The following SLF2 variants were observed in gnomAD, a reference collection of about 807,000 sequenced individuals.
SLF2 encodes SMC5/6 complex localization factor 2, also known as SMC5-SMC6 complex localization factor protein 2.
Under a neutral mutation model 124.3 loss-of-function variants are expected in SLF2, and 68 were observed. The observed-to-expected ratio is 0.55, with a 90% CI of 0.45 to 0.67. The LOEUF (loss-of-function observed/expected upper bound fraction) is 0.67. Among genes scored for constraint, SLF2 ranks in the 30% least tolerant of loss-of-function variants. The pLI is 0.00. For synonymous variants in SLF2, 480 were observed against 478.8 expected (o/e 1.00, Z -0.03); for missense variants, 1,246 against 1,373.7 (o/e 0.91, Z 1.47).
chr10:100,940,807 G>T (rs1849960173), intron 11 of SLF2, among the ~76,000 whole-genome samples: 4 of 63,042 alleles, frequency 6.3e-5, no homozygotes, highest in Admixed American at 4.6e-4. Flanking sequence ...CCCTCCCCCT[G>T]CCCCTGCCCC....
rs373301245 is a variant in SLF2, at chr10:100,913,222, G to C, written c.112G>C (p.Gly38Arg). ...CGGTAGTACCGCCCATGCTGCAGCG[G>C]GAAAGAGAACAGAGAGTCCTGGGGA... The part of the protein sequence containing the change: ...RPGSTAHAAA[G>R]KRTESPGDRK... The change falls in exon 1 of 20, where the codon GGA becomes CGA. Residue 38 changes from glycine to arginine, a missense_variant. By Grantham distance (125) the Gly-to-Arg change is moderately radical. Coordinates refer to ENST00000238961, the MANE Select transcript of SLF2 (RefSeq NM_018121.4). 1.2e-6 allele frequency: 2 copies of C among 1,610,648 alleles called. No homozygotes were observed. The highest frequency in any genetic ancestry group is 1.7e-6 in the Non-Finnish European group (2 of 1,178,614).
chr10:100,915,965 C>T (rs759326112), intron 1 of SLF2, 34 bp from the exon 2 acceptor site: 21 of 1,512,778 alleles, frequency 1.4e-5, no homozygotes, highest in Non-Finnish European at 9.2e-6. Flanking sequence ...TTAATATTTG[C>T]TTATATGATG....
intron 9 of SLF2, 87 bp from the exon 10 acceptor site, chr10:100,937,315 T>G: frequency 9.2e-7 from 1 of 1,092,618 alleles, no homozygotes; most frequent in Admixed American, 1.7e-5. Flanking sequence ...CTGGCCTACA[T>G]AAAACAACTT....
intron 1 of SLF2, among the ~76,000 whole-genome samples, chr10:100,914,712 A>G (rs1849383732): frequency 1.3e-5 from 2 of 152,200 alleles, no homozygotes; most frequent in Non-Finnish European, 2.9e-5. Flanking sequence ...ATATTCTTCC[A>G]TAGCCCGTCA....
intron 3 of SLF2, among the ~76,000 whole-genome samples, chr10:100,918,012 A>G (rs1589941788): frequency 6.6e-6 from 1 of 152,220 alleles, no homozygotes. Context: ...GCTTGAGCCC[A>G]GGAGATCAAG....
At chr10:100,923,900 G>T (rs769820163) in intron 4 of SLF2, 75 bp from the exon 5 acceptor site, 18 of 1,231,216 alleles carry the variant, frequency 1.5e-5, no homozygotes, top group Non-Finnish European at 1.9e-5. Flanking sequence ...TCATTAGGGT[G>T]TTCTAGACAC....
intron 1 of SLF2, 47 bp from the exon 2 acceptor site, chr10:100,915,952 G>A: frequency 7.2e-7 from 1 of 1,392,648 alleles, no homozygotes; most frequent in Non-Finnish European, 1.0e-6. Context: ...AGTTATGAAG[G>A]TTTTAATATT....
chr10:100,947,903 A>AGG, intron 15 of SLF2, 56 bp downstream of exon 15: 1 of 1,355,306 alleles, frequency 7.4e-7, no homozygotes, highest in Non-Finnish European at 1.0e-6. Flanking sequence ...GAGAGGTGTA[A>AGG]GGAAAATTGA....
Position 100,924,157 on chromosome 10 carries a change from G to A in SLF2, c.1156G>A (p.Val386Met), listed in dbSNP as rs1379426647. Residue 386 changes from valine (V) to methionine (M), a missense_variant, in exon 5 of 20, where the codon GTG (valine) becomes ATG (methionine). Physicochemically the swap from Val to Met is conservative, Grantham distance 21. Transcript: ENST00000238961. ...TATTGCACTGAAGACACCTGGTGAT[G>A]TGTTGCGCTTAGAAGATATATCCAA... Reference protein sequence around the residue: ...KHIALKTPGDVLRLEDISKEP... With the variant: ...KHIALKTPGDMLRLEDISKEP... 1 of 1,614,016 alleles carries A rather than the reference G, an allele frequency of 6.2e-7. No homozygotes were observed. Among genetic ancestry groups the A allele is most frequent in the South Asian group, 1.1e-5 (1 of 91,080 alleles).
rs1027149409 is a variant in SLF2 at position 100,942,496 on chromosome 10, A to AT, written c.2655-1521dup. On this transcript the variant is annotated intron_variant, in intron 11 of 19. Transcript: ENST00000238961. ...TCTCCAGGTACTCCACCTTCCCATC[A>AT]TTTTTTTTTCTTTCTTCCTTAATAG... Among the ~76,000 whole-genome samples, 17 of 151,154 alleles carry AT rather than the reference A, an allele frequency of 1.1e-4. 2 individuals are homozygous for AT. The highest frequency in any genetic ancestry group is 6.6e-4 in the Admixed American group (10 of 15,170).
rs779982805 is a variant in SLF2, at chr10:100,947,802, T to G, written c.3075T>G (p.Leu1025=). The G allele has an allele frequency of 7.4e-6, 12 of 1,612,260 alleles. No homozygotes were observed. Among genetic ancestry groups the G allele is most frequent in the Non-Finnish European group, 1.0e-5 (12 of 1,179,306 alleles). Residue 1025 remains leucine (L), a synonymous_variant, in exon 15 of 20, where the codon CTT becomes CTG. Transcript: ENST00000238961. ...QCLSLVIISK[L]LDEKHEDVPN... is the part of the protein sequence containing the mutation. ...TCAGTCTAGTGATTATTTCAAAGCT[T>G]TTGGATGAGAAACACGAAGATGTTC...
chr10:100,935,394 CAA>C (rs781232248), intron 9 of SLF2, among the ~76,000 whole-genome samples: 2 of 135,448 alleles, frequency 1.5e-5, no homozygotes, highest in African/African-American at 2.7e-5. Flanking sequence ...GATTCTGTCC[CAA>C]AAAAAAAAAA....
chr10:100,951,139 AG>A (rs1440811747), intron 17 of SLF2, among the ~76,000 whole-genome samples: 5 of 152,178 alleles, frequency 3.3e-5, no homozygotes, highest in Non-Finnish European at 7.4e-5. Flanking sequence ...GCTGTTCGGG[AG>A]GCTGAGGCAG....
chr10:100,947,488 T>TA (rs1317227204), intron 14 of SLF2, among the ~76,000 whole-genome samples: 1 of 151,982 alleles, frequency 6.6e-6, no homozygotes, highest in Non-Finnish European at 1.5e-5. Flanking sequence ...ATTTCATCAG[T>TA]AAAAAAATAG....
At position 100,917,174 on chromosome 10, in the gene SLF2, C is replaced by T. The variant is rs1849433722; in HGVS notation, c.789C>T (p.Ser263=). 10 of 1,613,628 alleles carry T rather than the reference C, an allele frequency of 6.2e-6. No individual in the cohort carries two copies. Among genetic ancestry groups the T allele is most frequent in the East Asian group, 2.2e-5 (1 of 44,880 alleles). Residue 263 remains serine, a synonymous_variant, in exon 3 of 20, where the codon TCC becomes TCT. Coordinates refer to ENST00000238961, the MANE Select transcript of SLF2 (RefSeq NM_018121.4). ...RKEQMEQRIN[S]ENSFSEASSL... is the part of the protein sequence containing the mutation. ...AGCAAATGGAGCAGAGAATCAACTC[C>T]GAGAATTCTTTCTCAGAAGCAAGCA...
intron 9 of SLF2, among the ~76,000 whole-genome samples, chr10:100,936,490 C>T (rs561622232): frequency 2.6e-5 from 4 of 151,996 alleles, no homozygotes; most frequent in Admixed American, 6.6e-5. Flanking sequence ...CCCGCCACCA[C>T]GCCTGGCTAA....
intron 18 of SLF2, among the ~76,000 whole-genome samples, chr10:100,958,816 T>C (rs532614119): frequency 6.6e-6 from 1 of 152,336 alleles, no homozygotes; most frequent in South Asian, 2.1e-4. Context: ...TGAGAATCTC[T>C]AGAGTGATAG....
Position 100,916,995 on chromosome 10 carries a change from G to T in SLF2, c.610G>T (p.Ala204Ser). The T allele has an allele frequency of 1.2e-6, 2 of 1,614,140 alleles. No homozygotes were observed. Among genetic ancestry groups the T allele is most frequent in the Non-Finnish European group, 1.7e-6 (2 of 1,180,010 alleles). ...AGACTCCAAAAAGCAGACCACAGTG[G>T]CAGAAGCTGACATCTTCAATAACAG... ...NADSKKQTTVAEADIFNNSSR... is the reference protein window; with the variant it reads ...NADSKKQTTVSEADIFNNSSR... The change falls in exon 3 of 20, where the codon GCA (alanine) becomes TCA (serine). Residue 204 changes from alanine (A) to serine (S), a missense_variant. Ala to Ser is a moderately conservative substitution (Grantham distance 99, BLOSUM62 1). Around this residue, in one of 3 missense-constraint regions of SLF2, gnomAD observed 698 missense variants for 708.9 expected, o/e 0.98. Transcript: ENST00000238961.
chr10:100,941,836 G>A (rs1283978518), intron 11 of SLF2, among the ~76,000 whole-genome samples: 1 of 152,108 alleles, frequency 6.6e-6, no homozygotes, highest in East Asian at 1.9e-4. Flanking sequence ...AGGTCAGCAC[G>A]GAGAGGTTAA....
Sources: allele counts gnomAD v4.1 joint callset (sites outside exome capture counted in the v4.1 genomes callset), GRCh38; gene constraint gnomAD v4.1.1; regional missense constraint gnomAD v4.1.1; transcripts MANE v1.5; gene names NCBI Gene and HGNC (gene_info 2026-07-23, HGNC 2026-07-21).